DPH6: variants seen among roughly 807,000 people sequenced by gnomAD.
DPH6 encodes the protein diphthine--ammonia ligase.
In DPH6, 33 loss-of-function variants were observed where a neutral mutation model predicts 38.2. The ratio of observed to expected loss-of-function variants is 0.86; its 90% CI spans 0.65 to 1.15. The LOEUF (loss-of-function observed/expected upper bound fraction) is 1.15. Among genes scored for constraint, DPH6 ranks in the 50% most tolerant of loss-of-function variants. The pLI is 0.00. For missense variants in DPH6, 325 were observed against 320.0 expected (o/e 1.02, Z -0.12); for synonymous variants, 108 against 103.0 (o/e 1.05, Z -0.30).
the DPH6 span, among the ~76,000 whole-genome samples, chr15:35,179,129 C>G: frequency 6.8e-6 from 1 of 146,710 alleles, no homozygotes; most frequent in Non-Finnish European, 1.5e-5. Context: ...CGGTTTGAAC[C>G]CAGGAGGTGG....
chr15:35,291,341 A>G (rs2051978910), intron 3 of DPH6, among the ~76,000 whole-genome samples: 1 of 152,102 alleles, frequency 6.6e-6, no homozygotes, highest in South Asian at 2.1e-4. Context: ...TGAGAATGGG[A>G]TAGGTTAAAT....
At chr15:35,184,355 G>T in the DPH6 span, among the ~76,000 whole-genome samples, 1 of 152,160 alleles carries the variant, frequency 6.6e-6, no homozygotes, top group Non-Finnish European at 1.5e-5. Flanking sequence ...ATTACTGGGA[G>T]ACTGGGAATG....
chr15:35,247,184 C>G (rs1041544955), intron 3 of DPH6, among the ~76,000 whole-genome samples: 1 of 152,122 alleles, frequency 6.6e-6, no homozygotes, highest in African/African-American at 2.4e-5. Flanking sequence ...AAATAAGAGT[C>G]TGACTTTTAT....
intron 3 of DPH6, among the ~76,000 whole-genome samples, chr15:35,481,277 A>G (rs2054323351): frequency 6.6e-6 from 1 of 152,188 alleles, no homozygotes; most frequent in African/African-American, 2.4e-5. Flanking sequence ...ACAAAGCAAC[A>G]CATTGCCCTG....
chr15:35,453,211 C>T (rs1334466506), intron 4 of DPH6, among the ~76,000 whole-genome samples: 4 of 152,094 alleles, frequency 2.6e-5, no homozygotes, highest in Admixed American at 2.0e-4. Flanking sequence ...TCTGTTCAAC[C>T]GTGTGTTGAA....
chr15:35,298,688 C>T, intron 3 of DPH6: 9 of 1,571,784 alleles, frequency 5.7e-6, no homozygotes, highest in Non-Finnish European at 7.9e-6. Flanking sequence ...CTCATGCTTC[C>T]CCAGACCCTG....
the DPH6 span, among the ~76,000 whole-genome samples, chr15:35,188,621 C>T: frequency 7.2e-5 from 11 of 152,246 alleles, no homozygotes; most frequent in African/African-American, 2.6e-4. Flanking sequence ...CTCCTTCTGC[C>T]TTCTGTCCCT....
chr15:35,237,570 C>A, intron 3 of DPH6: 1 of 1,562,124 alleles, frequency 6.4e-7, no homozygotes, highest in Non-Finnish European at 8.8e-7. Context: ...GGCGTGGAAG[C>A]ATTGGCAGAA....
the DPH6 span, among the ~76,000 whole-genome samples, chr15:35,211,966 C>A: frequency 6.6e-6 from 1 of 152,184 alleles, no homozygotes; most frequent in African/African-American, 2.4e-5. Flanking sequence ...ACCAGACAAA[C>A]AGAAGAGCTG....
chr15:35,493,131 T>C (rs954501055), intron 3 of DPH6, among the ~76,000 whole-genome samples: 5 of 152,194 alleles, frequency 3.3e-5, no homozygotes, highest in Non-Finnish European at 7.4e-5. Flanking sequence ...GCAATCAAAA[T>C]AAAGCACATT....
chr15:35,317,590 C>CAAAAAAAAAAAAAA (rs79613862), intron 3 of DPH6, among the ~76,000 whole-genome samples: 27 of 73,772 alleles, frequency 3.7e-4, no homozygotes, highest in East Asian at 1.2e-3. Context: ...TTCTGCTGGA[C>CAAAAAAAAAAAAAA]AAAAAAAAAA....
chr15:35,446,598 C>T (rs1428587344), intron 5 of DPH6, among the ~76,000 whole-genome samples: 2 of 152,116 alleles, frequency 1.3e-5, no homozygotes, highest in African/African-American at 4.8e-5. Flanking sequence ...GTAATACATA[C>T]AACATGCAAA....
intron 2 of DPH6, among the ~76,000 whole-genome samples, chr15:35,541,674 C>G (rs1300691810): frequency 2.0e-5 from 3 of 152,106 alleles, no homozygotes; most frequent in Non-Finnish European, 4.4e-5. Flanking sequence ...ATACAAAAGT[C>G]ACAAAAGTGC....
chr15:35,391,546 C>G (rs889693995), intron 6 of DPH6, among the ~76,000 whole-genome samples: 1 of 152,178 alleles, frequency 6.6e-6, no homozygotes, highest in Non-Finnish European at 1.5e-5. Flanking sequence ...CAATGGTGGG[C>G]GCCCCTCCCC....
chr15:35,348,620 A>AT (rs1440662811), intron 3 of DPH6, among the ~76,000 whole-genome samples: 4 of 152,026 alleles, frequency 2.6e-5, no homozygotes, highest in African/African-American at 9.7e-5. Flanking sequence ...GGAAGTTGAG[A>AT]TTTTTTGGCT....
chr15:35,315,460 C>T (rs1056250599), intron 3 of DPH6, among the ~76,000 whole-genome samples: 20 of 152,048 alleles, frequency 1.3e-4, no homozygotes, highest in African/African-American at 2.4e-4. Context: ...ATTCATAGTC[C>T]GCAACTGCAG....
intron 3 of DPH6, chr15:35,489,734 A>G (rs1595410511): frequency 1.0e-6 from 1 of 980,508 alleles, no homozygotes; most frequent in East Asian, 1.1e-4. Flanking sequence ...TTTTTTCTGG[A>G]ACAGTATACA....
At chr15:35,359,340 C>A (rs1002149341) in intron 3 of DPH6, among the ~76,000 whole-genome samples, 2 of 152,174 alleles carry the variant, frequency 1.3e-5, no homozygotes, top group Non-Finnish European at 2.9e-5. Flanking sequence ...CTTGGTTCTT[C>A]CCCTGCCTGT....
In DPH6 at chr15:35,355,612, C is replaced by T. The variant is rs566987932; in HGVS notation, n.207+17909G>A. 2.3e-4 allele frequency among the ~76,000 whole-genome samples: 35 copies of T among 152,312 alleles called. 4 individuals are homozygous for T. The highest frequency in any genetic ancestry group is 7.7e-4 in the East Asian group (4 of 5,182). On this transcript the variant is annotated intron_variant and non_coding_transcript_variant, in intron 3 of 3. Transcript: ENST00000558973. ...TTTCTTTAAGAATGTTGAATATTGG[C>T]CCCCACTCTCTTCTGGCTTGTAGTT...
Sources: gnomAD v4.1 joint callset for allele counts (sites outside exome capture counted in the v4.1 genomes callset) on GRCh38, gnomAD v4.1.1 for gene constraint, MANE v1.5 for transcripts, NCBI Gene and HGNC (gene_info 2026-07-23, HGNC 2026-07-21) for gene names.